Variants in HELLS observed in about 807,000 individuals in gnomAD.
HELLS encodes helicase, lymphoid specific, also known as lymphoid-specific helicase.
In HELLS, 32 loss-of-function variants were observed where a neutral mutation model predicts 120.0. The observed-to-expected ratio is 0.27, with a 90% CI of 0.20 to 0.36. The LOEUF (loss-of-function observed/expected upper bound fraction) is 0.36, where lower values mean the gene tolerates loss of function less well. Among genes scored for constraint, HELLS ranks in the 10% least tolerant of loss-of-function variants. The probability of loss-of-function intolerance (pLI) is 1.00; values close to 1 mark genes in which losing one functional copy is unlikely to be tolerated. For missense variants in HELLS, 650 were observed against 993.4 expected, an observed-to-expected ratio of 0.65 and a Z score of 4.65; for synonymous variants, 341 against 323.4, an observed-to-expected ratio of 1.05 and a Z score of -0.58.
intron 4 of HELLS, 87 bp downstream of exon 4, chr10:94,558,282 T>C: frequency 7.0e-7 from 1 of 1,431,936 alleles, no homozygotes; most frequent in African/African-American, 1.5e-5. Flanking sequence ...GATCATCTGT[T>C]TAATTTTAAG....
At chr10:94,578,756 A>G (rs1171638450) in intron 10 of HELLS, among the ~76,000 whole-genome samples, 1 of 152,138 alleles carries the variant, frequency 6.6e-6, no homozygotes, top group Admixed American at 6.5e-5. Flanking sequence ...CTTGTTTTCC[A>G]TCTAGGGATG....
intron 21 of HELLS, among the ~76,000 whole-genome samples, chr10:94,599,516 C>T (rs1845923762): frequency 6.6e-6 from 1 of 152,112 alleles, no homozygotes; most frequent in African/African-American, 2.4e-5. Flanking sequence ...CTATGTCCTG[C>T]TAATTTTGTT....
downstream of HELLS, among the ~76,000 whole-genome samples, chr10:94,602,963 A>G (rs1438286309): frequency 6.6e-6 from 1 of 152,122 alleles, no homozygotes; most frequent in East Asian, 1.9e-4. Flanking sequence ...TTACTCTGTC[A>G]TTGCACGTCT....
At chr10:94,550,921 A>G (rs1842953174) in intron 2 of HELLS, 1 of 152,148 alleles carries the variant, frequency 6.6e-6, no homozygotes, top group African/African-American at 2.4e-5. Flanking sequence ...AATTCTGTAC[A>G]GGATTTAAGG....
At chr10:94,576,213 A>G (rs377738814) in intron 9 of HELLS, among the ~76,000 whole-genome samples, 1 of 152,086 alleles carries the variant, frequency 6.6e-6, no homozygotes, top group Non-Finnish European at 1.5e-5. Flanking sequence ...TCCCAGGCTC[A>G]TGTGAGCCTG....
At chr10:94,588,701 C>G (rs1464425080) in intron 13 of HELLS, among the ~76,000 whole-genome samples, 1 of 152,020 alleles carries the variant, frequency 6.6e-6, no homozygotes, top group Non-Finnish European at 1.5e-5. Flanking sequence ...TTTTAAGGTC[C>G]CCTTGTTCAT....
At chr10:94,562,659 T>C (rs767945866) in intron 4 of HELLS, 32 bp from the exon 5 acceptor site, 8 of 1,492,836 alleles carry the variant, frequency 5.4e-6, no homozygotes, top group Non-Finnish European at 7.4e-6. Context: ...AGGTCCTTAA[T>C]AAAATCAATA....
At chr10:94,607,867 A>T in intron 8 of HELLS, 1 of 388,666 alleles carries the variant, frequency 2.6e-6, no homozygotes, top group Non-Finnish European at 5.1e-6. Context: ...AGTTGGGATT[A>T]CAGGTGCATG....
intron 3 of HELLS, among the ~76,000 whole-genome samples, chr10:94,556,080 C>G (rs576748457): frequency 9.4e-4 from 143 of 152,302 alleles, no homozygotes; most frequent in African/African-American, 3.3e-3. Context: ...TTGGGCCTTG[C>G]GATTGGCATC....
At chr10:94,594,903 G>A (rs1218007251) in intron 19 of HELLS, 49 bp downstream of exon 19, 1 of 1,391,458 alleles carries the variant, frequency 7.2e-7, no homozygotes, top group East Asian at 2.3e-5. Flanking sequence ...TGCATTGTGT[G>A]TTGTGGATTT....
At chr10:94,575,924 G>C (rs541378475) in intron 9 of HELLS, among the ~76,000 whole-genome samples, 2 of 151,782 alleles carry the variant, frequency 1.3e-5, no homozygotes, top group African/African-American at 4.8e-5. Context: ...CAGCCTCCCA[G>C]GTAGCTGGGA....
At chr10:94,580,356 A>AT (rs1239885612) in intron 10 of HELLS, among the ~76,000 whole-genome samples, 1 of 150,902 alleles carries the variant, frequency 6.6e-6, no homozygotes, top group African/African-American at 2.4e-5. Flanking sequence ...TAATTTTTGT[A>AT]TTTTTAGTAG....
intron 6 of HELLS, among the ~76,000 whole-genome samples, chr10:94,568,414 G>A (rs2860821): frequency 0.37 from 55,799 of 151,774 alleles, 10,817 homozygotes; most frequent in East Asian, 0.68. Flanking sequence ...AGTATCTACT[G>A]TGTCATCTAA....
At chr10:94,567,652 T>C (rs575742180) in intron 6 of HELLS, among the ~76,000 whole-genome samples, 298 of 152,278 alleles carry the variant, frequency 2.0e-3, no homozygotes, top group Non-Finnish European at 2.5e-3. Flanking sequence ...ACACCTGTTA[T>C]CCCAGCACTT....
intron 15 of HELLS, among the ~76,000 whole-genome samples, chr10:94,591,411 A>G (rs1349877133): frequency 6.6e-6 from 1 of 152,228 alleles, no homozygotes; most frequent in Non-Finnish European, 1.5e-5. Flanking sequence ...TGATAGAATG[A>G]TAGCATAATA....
At chr10:94,573,482 T>A (rs1220952121) in intron 7 of HELLS, among the ~76,000 whole-genome samples, 1 of 151,886 alleles carries the variant, frequency 6.6e-6, no homozygotes, top group Non-Finnish European at 1.5e-5. Flanking sequence ...TTTATTTTAT[T>A]TTTTGAGATG....
In HELLS at chr10:94,592,298, A is replaced by G; in HGVS notation, c.1837A>G (p.Lys613Glu). 1.2e-6 allele frequency: 2 copies of G among 1,611,400 alleles called. No individual in the cohort carries two copies. Among genetic ancestry groups the G allele is most frequent in the Non-Finnish European group, 8.5e-7 (1 of 1,178,910 alleles). ...GGATCGAATGCTGCCAGAACTAAAAAAAAGAGGTCACAAGGTGGTACTTTT... is the reference window on the plus strand; with the variant it reads ...GGATCGAATGCTGCCAGAACTAAAAGAAAGAGGTCACAAGGTGGTACTTTT... ...ILDRMLPELK[K>E]RGHKVLLFSQ... The change falls in exon 16 of 22, where the codon AAA becomes GAA. Residue 613 changes from lysine (K) to glutamate (E), a missense_variant. Transcript: ENST00000348459.
At chr10:94,605,083 C>CAG (rs553554582), downstream of HELLS, among the ~76,000 whole-genome samples, 1 of 130,696 alleles carries the variant, frequency 7.7e-6, no homozygotes, top group African/African-American at 2.9e-5. Context: ...CCCCCCCCCC[C>CAG]CCTTTTTTTT....
chr10:94,587,503 C>T (rs1239198514), intron 12 of HELLS, among the ~76,000 whole-genome samples: 3 of 152,184 alleles, frequency 2.0e-5, no homozygotes, highest in African/African-American at 7.2e-5. Flanking sequence ...TCCTGGTTCA[C>T]TGCAACCTCT....
Sources: gnomAD v4.1 joint callset for allele counts (sites outside exome capture counted in the v4.1 genomes callset) on GRCh38, gnomAD v4.1.1 for gene constraint, MANE v1.5 for transcripts, NCBI Gene and HGNC (gene_info 2026-07-23, HGNC 2026-07-21) for gene names.